Variants in LRRC7 observed in about 807,000 individuals in gnomAD.
LRRC7 encodes leucine-rich repeat-containing protein 7.
Under a neutral mutation model 175.7 loss-of-function variants are expected in LRRC7, and 23 were observed. The observed-to-expected ratio is 0.13, with a 90% CI of 0.09 to 0.19. The LOEUF is 0.19. Ranked by LOEUF, LRRC7 falls within the 10% of genes least tolerant of loss-of-function variation. The probability of loss-of-function intolerance (pLI) is 1.00; values close to 1 mark genes in which losing one functional copy is unlikely to be tolerated. For missense variants in LRRC7, 1,354 were observed against 1,904.7 expected (o/e 0.71, Z 5.38); for synonymous variants, 685 against 680.9 (o/e 1.01, Z -0.09).
At chr1:69,728,783 A>G (rs1344004466) in intron 2 of LRRC7, among the ~76,000 whole-genome samples, 1 of 152,194 alleles carries the variant, frequency 6.6e-6, no homozygotes, top group Non-Finnish European at 1.5e-5. Flanking sequence ...AGCTGAGCCT[A>G]AAGGAAAAGG....
chr1:69,777,923 G>A (rs74087709), intron 3 of LRRC7, among the ~76,000 whole-genome samples: 4,760 of 152,172 alleles, frequency 0.031, 264 homozygotes, highest in African/African-American at 0.11. Flanking sequence ...CCTAAGTTAA[G>A]GAAGTTACCT....
At position 70,038,546 on chromosome 1, in the gene LRRC7, C is replaced by T. The variant is rs1231845003; in HGVS notation, c.2722C>T (p.Pro908Ser). 2 of 1,613,982 alleles carry T rather than the reference C, an allele frequency of 1.2e-6. No individual in the cohort carries two copies. The highest frequency in any genetic ancestry group is 2.7e-5 in the African/African-American group (2 of 74,900). The change falls in exon 21 of 27, where the codon CCA (proline) becomes TCA (serine). Residue 908 changes from proline to serine, a missense_variant. Transcript: ENST00000651989. ...SKLETTPTTS[P>S]LPERKEHIKE... ...ATTAGAGACAACCCCCACTACCAGC[C>T]CATTGCCTGAAAGGAAAGAACATAT...
At chr1:69,973,005 CTATA>C in intron 8 of LRRC7, among the ~76,000 whole-genome samples, 1 of 139,588 alleles carries the variant, frequency 7.2e-6, no homozygotes, top group South Asian at 2.3e-4. Flanking sequence ...CTACTAGATA[CTATA>C]TATATACTAT....
At chr1:70,088,860 C>T (rs1415610242) in intron 24 of LRRC7, among the ~76,000 whole-genome samples, 2 of 152,124 alleles carry the variant, frequency 1.3e-5, no homozygotes, top group Non-Finnish European at 2.9e-5. Flanking sequence ...TTACTACAGC[C>T]TTATCCCAAG....
At chr1:69,667,445 C>G (rs1190938389) in intron 1 of LRRC7, among the ~76,000 whole-genome samples, 2 of 152,070 alleles carry the variant, frequency 1.3e-5, no homozygotes, top group Admixed American at 1.3e-4. Flanking sequence ...CTATCTCTCT[C>G]TTTAGCACTA....
intron 2 of LRRC7, among the ~76,000 whole-genome samples, chr1:69,680,957 C>T (rs1285166765): frequency 3.3e-5 from 5 of 151,926 alleles, no homozygotes; most frequent in African/African-American, 1.2e-4. Flanking sequence ...CTTTTTCTGT[C>T]TCTTTCTTTA....
intron 5 of LRRC7, among the ~76,000 whole-genome samples, chr1:69,833,410 G>C (rs1219272621): frequency 6.6e-6 from 1 of 152,072 alleles, no homozygotes; most frequent in Non-Finnish European, 1.5e-5. Flanking sequence ...CAAATAGGAA[G>C]ATGTAGACAG....
chr1:69,579,920 C>T (rs1385377614), intron 1 of LRRC7, among the ~76,000 whole-genome samples: 1 of 151,888 alleles, frequency 6.6e-6, no homozygotes, highest in Non-Finnish European at 1.5e-5. Flanking sequence ...AGGTGTGAGC[C>T]ACTGCACCTG....
At chr1:70,043,824 C>A in intron 21 of LRRC7, 130 bp from the exon 22 acceptor site, 1 of 998,414 alleles carries the variant, frequency 1.0e-6, no homozygotes, top group Non-Finnish European at 1.5e-6. Context: ...TGATCAAGTG[C>A]ATGTTTTTTT....
At chr1:70,101,172 A>G (rs1007472283) in intron 25 of LRRC7, among the ~76,000 whole-genome samples, 8 of 152,188 alleles carry the variant, frequency 5.3e-5, no homozygotes, top group African/African-American at 1.9e-4. Flanking sequence ...AATTGAATCT[A>G]TGGCTCTGTT....
In LRRC7 at chr1:69,735,569, C is replaced by T. The variant is rs546208606; in HGVS notation, c.101-24622C>T. ...TAGTGGAGGTGATGCTAAACTCTTG[C>T]GTAGTACATTTTCCCCTTTGTAATT... On this transcript the variant is annotated intron_variant, in intron 2 of 26. Coordinates refer to ENST00000651989, the MANE Select transcript of LRRC7 (RefSeq NM_001370785.2). Among the ~76,000 whole-genome samples, 30 of 152,148 alleles carry T rather than the reference C, an allele frequency of 2.0e-4. 1 individual carries two copies. In the South Asian group the frequency reaches 5.0e-3, roughly 25 times the overall value.
In LRRC7 at chr1:70,126,213, T is replaced by C. The variant is rs1163586528; in HGVS notation, c.*4326T>C. Among the ~76,000 whole-genome samples the C allele has an allele frequency of 6.6e-6, 1 of 152,210 alleles. No individual in the cohort carries two copies. Among genetic ancestry groups the C allele is most frequent in the Non-Finnish European group, 1.5e-5 (1 of 68,040 alleles). The stretch of plus-strand genomic sequence containing the variant: ...AAATAGGACTACCACTCAAAGTCTT[T>C]GATAAATTCGATCAAACAACATATT... On this transcript the variant is annotated 3_prime_UTR_variant, in exon 27 of 27. Transcript: ENST00000651989.
chr1:69,805,090 G>A (rs1336262579), intron 4 of LRRC7, among the ~76,000 whole-genome samples: 1 of 151,652 alleles, frequency 6.6e-6, no homozygotes, highest in African/African-American at 2.4e-5. Context: ...GAATGGATTT[G>A]CACAGCATCA....
chr1:69,700,297 G>A (rs1178342367), intron 2 of LRRC7, among the ~76,000 whole-genome samples: 1 of 152,190 alleles, frequency 6.6e-6, no homozygotes, highest in Non-Finnish European at 1.5e-5. Context: ...CTCTTTGGAA[G>A]CAACAGTAAG....
chr1:70,010,479 C>A (rs1032253361), intron 11 of LRRC7, among the ~76,000 whole-genome samples: 2 of 152,100 alleles, frequency 1.3e-5, no homozygotes, highest in African/African-American at 4.8e-5. Context: ...ACAGGAGCAT[C>A]ACTTGAACCC....
intron 1 of LRRC7, among the ~76,000 whole-genome samples, chr1:69,654,053 T>C (rs1001552641): frequency 5.3e-5 from 8 of 151,994 alleles, no homozygotes; most frequent in African/African-American, 1.9e-4. Context: ...AATGTGTATA[T>C]AATTAATAAT....
rs1667145035 is a variant in LRRC7, at chr1:70,143,173, T to G, written c.*21286T>G. On this transcript the variant is annotated 3_prime_UTR_variant, in exon 27 of 27. Coordinates refer to ENST00000651989, the MANE Select transcript of LRRC7 (RefSeq NM_001370785.2). Reference sequence around the variant, plus strand: ...GCAGTGATACAACTTTGGGTCGCTATTTTAGTAAAATGAAGAGTCTCTAGA... The same window carrying G: ...GCAGTGATACAACTTTGGGTCGCTAGTTTAGTAAAATGAAGAGTCTCTAGA... The G allele has an allele frequency of 2.0e-5, 3 of 151,874 alleles. No individual in the cohort carries two copies. The South Asian group carries it at 6.3e-4, about 32-fold the overall frequency. 9.4% of individuals were successfully genotyped at this position (151,874 alleles called of 1,614,324 possible).
At chr1:69,900,907 G>A (rs1204547312) in intron 7 of LRRC7, among the ~76,000 whole-genome samples, 5 of 152,104 alleles carry the variant, frequency 3.3e-5, no homozygotes, top group South Asian at 2.1e-4. Flanking sequence ...TGAGAGAACC[G>A]AATTCATTTA....
chr1:69,899,454 C>A (rs1206161683), intron 7 of LRRC7, among the ~76,000 whole-genome samples: 1 of 152,190 alleles, frequency 6.6e-6, no homozygotes, highest in African/African-American at 2.4e-5. Flanking sequence ...GAAAAAATTA[C>A]TAAAGCCTAC....
Sources: gnomAD v4.1 joint callset for allele counts (sites outside exome capture counted in the v4.1 genomes callset) on GRCh38, gnomAD v4.1.1 for gene constraint, MANE v1.5 for transcripts, NCBI Gene and HGNC (gene_info 2026-07-23, HGNC 2026-07-21) for gene names.